The following NINL variants were observed in gnomAD, a reference collection of about 807,000 sequenced individuals.
NINL encodes ninein like.
In NINL, 153 loss-of-function variants were observed where a neutral mutation model predicts 160.3. That is an observed-to-expected ratio of 0.95 (90% CI 0.84 to 1.09). The LOEUF (loss-of-function observed/expected upper bound fraction) is 1.09, where lower values mean the gene tolerates loss of function less well. Among genes scored for constraint, NINL ranks in the 50% least tolerant of loss-of-function variants. The probability of loss-of-function intolerance (pLI) is 0.00; values close to 1 mark genes in which losing one functional copy is unlikely to be tolerated. For missense variants in NINL, 1,829 were observed against 1,764.0 expected (o/e 1.04, Z -0.66); for synonymous variants, 800 against 734.8 (o/e 1.09, Z -1.43).
chr20:25,474,030 T>C (rs916411590), intron 17 of NINL, among the ~76,000 whole-genome samples: 5 of 152,344 alleles, frequency 3.3e-5, no homozygotes, highest in African/African-American at 1.2e-4. Context: ...TATGTGACAT[T>C]ACACAGCAGG....
intron 1 of NINL, among the ~76,000 whole-genome samples, chr20:25,569,536 C>A (rs1032581740): frequency 6.6e-6 from 1 of 152,192 alleles, no homozygotes; most frequent in Admixed American, 6.5e-5. Context: ...CAGCAGCCAG[C>A]GGCCCATGTC....
chr20:25,583,980 C>T (rs1359105850), intron 1 of NINL, among the ~76,000 whole-genome samples: 4 of 151,308 alleles, frequency 2.6e-5, no homozygotes, highest in South Asian at 2.1e-4. Context: ...CGGGACCTGT[C>T]GGGGCGGGTG....
At chr20:25,461,849 C>T (rs769249449) in intron 20 of NINL, among the ~76,000 whole-genome samples, 2 of 152,216 alleles carry the variant, frequency 1.3e-5, no homozygotes, top group Non-Finnish European at 1.5e-5. Flanking sequence ...GTGTCAGGTG[C>T]GCCACGCACT....
Position 25,498,212 on chromosome 20 carries a change from C to T in NINL, c.1167G>A (p.Gln389=). 6.2e-7 allele frequency: 1 copy of T among 1,612,538 alleles called. No individual in the cohort carries two copies. Among genetic ancestry groups the T allele is most frequent in the Non-Finnish European group, 8.5e-7 (1 of 1,179,990 alleles). The change falls in exon 9 of 24, where the codon CAG becomes CAA. Residue 389 remains glutamine, a splice_region_variant and synonymous_variant. Transcript: ENST00000278886. ...CCCAGTCCCCTGTGGCCTCTTACTG[C>T]TGGTAGCTCAGCTCCTGGTGGTAGC... is the stretch of plus-strand genomic sequence containing the variant. The part of the protein sequence containing the change: ...LACYHQELSY[Q]QGQVEQLARE...
intron 13 of NINL, 169 bp downstream of exon 13, chr20:25,489,075 C>T (rs1008492252): frequency 3.9e-5 from 26 of 660,110 alleles, no homozygotes; most frequent in Non-Finnish European, 5.1e-5. Context: ...TAGGTGGCAA[C>T]GAGAGCCAGG....
rs144579984 is a variant in NINL at position 25,506,682 on chromosome 20, T to A, written c.518-1604A>T. The stretch of plus-strand genomic sequence containing the variant: ...TTAGACTAATGTGTTCAATGTCTCA[T>A]GTAATCTACTGAACACTGTACTGAA... On this transcript the variant is annotated intron_variant, in intron 5 of 23. Transcript: ENST00000278886. Among the ~76,000 whole-genome samples, 32 of 152,340 alleles carry A rather than the reference T, an allele frequency of 2.1e-4. 2 individuals are homozygous for A. In the East Asian group the frequency reaches 5.0e-3, roughly 24 times the overall value.
chr20:25,547,063 T>G (rs899864767), intron 1 of NINL, among the ~76,000 whole-genome samples: 4 of 152,164 alleles, frequency 2.6e-5, no homozygotes, highest in African/African-American at 4.8e-5. Flanking sequence ...AAAAAGTGTA[T>G]GTTTAGTCTT....
At chr20:25,545,650 G>C (rs1312134952) in intron 1 of NINL, among the ~76,000 whole-genome samples, 1 of 152,102 alleles carries the variant, frequency 6.6e-6, no homozygotes, top group African/African-American at 2.4e-5. Context: ...CAGATCTCAA[G>C]ACTGACAAGA....
intron 1 of NINL, among the ~76,000 whole-genome samples, chr20:25,578,666 G>A (rs937814104): frequency 4.0e-5 from 6 of 151,562 alleles, no homozygotes; most frequent in South Asian, 4.2e-4. Context: ...GGTGGCGGGC[G>A]CATGTAGTCC....
chr20:25,454,238 A>T (rs2090610908), intron 23 of NINL, among the ~76,000 whole-genome samples: 4 of 152,176 alleles, frequency 2.6e-5, no homozygotes, highest in Non-Finnish European at 5.9e-5. Flanking sequence ...GGACGGTCAG[A>T]GTGTGGAACA....
chr20:25,462,996 T>A (rs1422092054), intron 19 of NINL, among the ~76,000 whole-genome samples: 1 of 152,140 alleles, frequency 6.6e-6, no homozygotes, highest in Non-Finnish European at 1.5e-5. Context: ...GCAGCTCAAT[T>A]CATATCATTG....
At chr20:25,498,977 G>C in intron 8 of NINL, 1 of 985,488 alleles carries the variant, frequency 1.0e-6, no homozygotes, top group Non-Finnish European at 1.2e-6. Context: ...GGGAGCGGCA[G>C]CTAACGTTCT....
At chr20:25,463,615 A>G (rs776858509) in intron 19 of NINL, among the ~76,000 whole-genome samples, 11 of 152,204 alleles carry the variant, frequency 7.2e-5, no homozygotes, top group Non-Finnish European at 1.5e-4. Flanking sequence ...TCATGCAACC[A>G]TATTTCTGCT....
rs1038003766 is a variant in NINL at position 25,562,139 on chromosome 20, C to T, written c.-12+23316G>A. ...GAGGGAGGTGGGGGTGTCAGCCCCC[C>T]GCCAGGCGAGACGCCCCGTCCGGGA... On this transcript the variant is annotated intron_variant, in intron 1 of 23. Coordinates refer to ENST00000278886, the MANE Select transcript of NINL (RefSeq NM_025176.6). Among the ~76,000 whole-genome samples, 17 of 144,690 alleles carry T rather than the reference C, an allele frequency of 1.2e-4. 1 individual carries two copies. Among genetic ancestry groups the T allele is most frequent in the South Asian group, 1.1e-3 (5 of 4,500 alleles). 94.9% of individuals were successfully genotyped at this position (144,690 alleles called of 152,430 possible).
chr20:25,496,202 C>CCTTTT (rs2063749191), intron 10 of NINL, among the ~76,000 whole-genome samples: 1 of 152,198 alleles, frequency 6.6e-6, no homozygotes, highest in South Asian at 2.1e-4. Flanking sequence ...GTCTATCCAG[C>CCTTTT]CACTGTTCCA....
intron 17 of NINL, among the ~76,000 whole-genome samples, chr20:25,475,406 A>G (rs191175508): frequency 6.6e-6 from 1 of 152,366 alleles, no homozygotes. Flanking sequence ...AACTCATTCT[A>G]TGAGGCATTA....
intron 1 of NINL, among the ~76,000 whole-genome samples, chr20:25,527,514 T>C (rs2064381455): frequency 6.6e-6 from 1 of 152,074 alleles, no homozygotes; most frequent in African/African-American, 2.4e-5. Flanking sequence ...GGTTTCTGTT[T>C]TTTTTTCAAA....
chr20:25,479,254 A>T (rs372165672), intron 15 of NINL, 48 bp from the exon 16 acceptor site: 2 of 1,545,244 alleles, frequency 1.3e-6, no homozygotes, highest in Non-Finnish European at 8.7e-7. Context: ...CCTAAGAATG[A>T]TCTTGCTGCT....
In NINL at chr20:25,470,075, G is replaced by C. The variant is rs1021040275; in HGVS notation, c.3269C>G (p.Ser1090Cys). 1.9e-5 allele frequency: 30 copies of C among 1,613,912 alleles called. 1 individual carries two copies. The highest frequency in any genetic ancestry group is 1.3e-4 in the East Asian group (6 of 44,890). Residue 1090 changes from serine (S) to cysteine (C), a missense_variant, in exon 18 of 24, where the codon TCT becomes TGT. Coordinates refer to ENST00000278886, the MANE Select transcript of NINL (RefSeq NM_025176.6). ...GTTTTTCAACAAAGTGTTTTCTTCA[G>C]AAAGTCTATGGAACTCCAGTCTGCG... ...ENDRLEFHRL[S>C]EENTLLKNDL... is the part of the protein sequence containing the mutation.
Sources: allele counts gnomAD v4.1 joint callset (sites outside exome capture counted in the v4.1 genomes callset), GRCh38; gene constraint gnomAD v4.1.1; transcripts MANE v1.5; gene names NCBI Gene and HGNC (gene_info 2026-07-23, HGNC 2026-07-21).